The following SLC24A2 variants were observed in gnomAD, a reference collection of about 807,000 sequenced individuals.
SLC24A2 encodes sodium/potassium/calcium exchanger 2.
SLC24A2 carries 36 observed loss-of-function variants against 62.0 expected under a neutral mutation model. The ratio of observed to expected loss-of-function variants is 0.58; its 90% CI spans 0.44 to 0.77. The LOEUF (loss-of-function observed/expected upper bound fraction) is 0.77, where lower values mean the gene tolerates loss of function less well. Among genes scored for constraint, SLC24A2 ranks in the 30% least tolerant of loss-of-function variants. The probability of loss-of-function intolerance (pLI) is 0.00; values close to 1 mark genes in which losing one functional copy is unlikely to be tolerated. For missense variants in SLC24A2, 846 were observed against 817.9 expected (o/e 1.03, Z -0.42); for synonymous variants, 358 against 294.0 (o/e 1.22, Z -2.23).
the SLC24A2 span, among the ~76,000 whole-genome samples, chr9:19,979,512 C>T: frequency 1.3e-5 from 2 of 152,262 alleles, 1 homozygote; most frequent in East Asian, 3.9e-4. Flanking sequence ...AGGTACTGTA[C>T]ACATATAGAC....
At chr9:19,918,434 C>A in the SLC24A2 span, among the ~76,000 whole-genome samples, 4 of 149,560 alleles carry the variant, frequency 2.7e-5, no homozygotes, top group African/African-American at 9.8e-5. Flanking sequence ...GTCTTCTATG[C>A]TTTGAGAATG....
At chr9:19,572,365 C>T (rs1238937459) in intron 7 of SLC24A2, among the ~76,000 whole-genome samples, 1 of 152,008 alleles carries the variant, frequency 6.6e-6, no homozygotes, top group Non-Finnish European at 1.5e-5. Flanking sequence ...GTGTCCCCAC[C>T]CAAATCTCAT....
At chr9:20,040,877 C>T in the SLC24A2 span, among the ~76,000 whole-genome samples, 1 of 152,206 alleles carries the variant, frequency 6.6e-6, no homozygotes, top group South Asian at 2.1e-4. Context: ...CGTTTGTCTA[C>T]CTGTGGCAGA....
chr9:19,709,468 C>T (rs950868747), intron 2 of SLC24A2, among the ~76,000 whole-genome samples: 62 of 152,064 alleles, frequency 4.1e-4, no homozygotes, highest in Admixed American at 7.2e-4. Context: ...ATGTTTATTG[C>T]GGCACTATTC....
At chr9:19,923,784 G>C in the SLC24A2 span, among the ~76,000 whole-genome samples, 3 of 152,136 alleles carry the variant, frequency 2.0e-5, no homozygotes, top group Admixed American at 2.0e-4. Flanking sequence ...AGTTGTTCTT[G>C]TTGCCCAGGC....
the SLC24A2 span, among the ~76,000 whole-genome samples, chr9:19,822,504 A>G: frequency 1.3e-5 from 2 of 152,102 alleles, no homozygotes; most frequent in Non-Finnish European, 2.9e-5. Flanking sequence ...TCTTGATGCA[A>G]AATCTGACCT....
At chr9:19,873,653 G>T in the SLC24A2 span, among the ~76,000 whole-genome samples, 1 of 150,210 alleles carries the variant, frequency 6.7e-6, no homozygotes, top group Non-Finnish European at 1.5e-5. Flanking sequence ...CTCATATTCA[G>T]AAGAGAAGCT....
the SLC24A2 span, among the ~76,000 whole-genome samples, chr9:20,303,700 T>C: frequency 6.6e-6 from 1 of 152,250 alleles, no homozygotes; most frequent in African/African-American, 2.4e-5. Context: ...TTCCTCCACC[T>C]GACTGTAGCC....
chr9:20,229,148 C>G, the SLC24A2 span, among the ~76,000 whole-genome samples: 1 of 152,134 alleles, frequency 6.6e-6, no homozygotes, highest in Non-Finnish European at 1.5e-5. Context: ...TTCATCACAG[C>G]TCATCACTTT....
At chr9:19,964,499 T>G in the SLC24A2 span, among the ~76,000 whole-genome samples, 1 of 152,180 alleles carries the variant, frequency 6.6e-6, no homozygotes, top group Admixed American at 6.5e-5. Flanking sequence ...CCTTCAGGAC[T>G]CAGAGGAGGA....
intron 7 of SLC24A2, among the ~76,000 whole-genome samples, chr9:19,563,786 TTTATAATGAC>T (rs1563968709): frequency 0.018 from 706 of 39,606 alleles, 97 homozygotes; most frequent in East Asian, 0.05. Flanking sequence ...ACTGTTGGTT[TTTATAATGAC>T]CCTTCCTTCC....
Position 19,786,374 on chromosome 9 carries a change from T to G in SLC24A2, c.493A>C (p.Thr165Pro), listed in dbSNP as rs576684405. 1.2e-6 allele frequency: 2 copies of G among 1,614,072 alleles called. No homozygotes were observed. Among genetic ancestry groups the G allele is most frequent in the Non-Finnish European group, 1.7e-6 (2 of 1,180,046 alleles). The change falls in exon 2 of 11, where the codon ACT becomes CCT. Residue 165 changes from threonine to proline, a missense_variant. Thr to Pro is a conservative substitution (Grantham distance 38, BLOSUM62 -1). Transcript: ENST00000341998. The surrounding 1 kb of genome is among the most constrained non-coding windows in gnomAD (Gnocchi z 5.0). ...TCATCAGAGATGCCCAGTTTTTCAG[T>G]GATGACAGTCAAAGAAGGAACAAAG... ...EFFVPSLTVI[T>P]EKLGISDDVA...
chr9:19,516,390 G>C lies in SLC24A2; in HGVS notation c.1749C>G (p.Pro583=). The change falls in exon 11 of 11, where the codon CCC becomes CCG. Residue 583 remains proline (P), a synonymous_variant. Coordinates refer to ENST00000341998, the MANE Select transcript of SLC24A2 (RefSeq NM_020344.4). Reference sequence around the variant, plus strand: ...TGTGAATGACGGTGTACAGGAGCCAGGGCAGTGGGAGCCTGTGCAGAAGTG... The same window carrying C: ...TGTGAATGACGGTGTACAGGAGCCACGGCAGTGGGAGCCTGTGCAGAAGTG... ...IFDITVGLPL[P]WLLYTVIHRF... is the part of the protein sequence containing the mutation. 3 of 1,613,888 alleles carry C rather than the reference G, an allele frequency of 1.9e-6. No individual in the cohort carries two copies. The highest frequency in any genetic ancestry group is 1.1e-5 in the South Asian group (1 of 91,050).
At chr9:20,020,616 T>A in the SLC24A2 span, among the ~76,000 whole-genome samples, 1 of 152,052 alleles carries the variant, frequency 6.6e-6, no homozygotes, top group Non-Finnish European at 1.5e-5. Flanking sequence ...GAAATACCTA[T>A]TGTAGATGAT....
the SLC24A2 span, among the ~76,000 whole-genome samples, chr9:20,240,047 G>A: frequency 1.6e-4 from 25 of 152,196 alleles, no homozygotes; most frequent in African/African-American, 5.1e-4. Context: ...GGAGAGGTGA[G>A]AGAGAACTTG....
At chr9:20,142,160 T>C in the SLC24A2 span, among the ~76,000 whole-genome samples, 729 of 152,266 alleles carry the variant, frequency 4.8e-3, 2 homozygotes, top group African/African-American at 0.015. Context: ...TTTCCCTTTT[T>C]AGAGATTCTT....
At chr9:19,820,060 T>TATATATATATACATATATATATATACAC in the SLC24A2 span, among the ~76,000 whole-genome samples, 1 of 112,904 alleles carries the variant, frequency 8.9e-6, no homozygotes, top group Admixed American at 8.8e-5. Flanking sequence ...TATATACACA[T>TATATATATATACATATATATATATACAC]ATATATATAT....
chr9:19,925,857 T>C, the SLC24A2 span, among the ~76,000 whole-genome samples: 2 of 152,156 alleles, frequency 1.3e-5, no homozygotes, highest in Non-Finnish European at 2.9e-5. Context: ...CTGACAGAGA[T>C]TTTAATCGTG....
the SLC24A2 span, among the ~76,000 whole-genome samples, chr9:20,198,002 C>A: frequency 6.6e-6 from 1 of 152,218 alleles, no homozygotes; most frequent in African/African-American, 2.4e-5. Context: ...GAAGATTTCC[C>A]TTCCCCTTGG....
Sources: allele counts gnomAD v4.1 joint callset (sites outside exome capture counted in the v4.1 genomes callset), GRCh38; gene constraint gnomAD v4.1.1; non-coding constraint Gnocchi (gnomAD v3.1); transcripts MANE v1.5; gene names NCBI Gene and HGNC (gene_info 2026-07-23, HGNC 2026-07-21).